Variants in AK5 observed in about 807,000 individuals in gnomAD.
AK5 encodes adenylate kinase isoenzyme 5.
In AK5, 27 loss-of-function variants were observed where a neutral mutation model predicts 69.5. The ratio of observed to expected loss-of-function variants is 0.39; its 90% CI spans 0.29 to 0.54. AK5 has a LOEUF of 0.54. Among genes scored for constraint, AK5 ranks in the 20% least tolerant of loss-of-function variants. The probability of loss-of-function intolerance (pLI) is 0.71; values close to 1 mark genes in which losing one functional copy is unlikely to be tolerated. For missense variants in AK5, 531 were observed against 700.4 expected (o/e 0.76, Z 2.73); for synonymous variants, 260 against 244.4 (o/e 1.06, Z -0.60).
At chr1:77,522,900 A>C (rs1410078484) in intron 12 of AK5, among the ~76,000 whole-genome samples, 1 of 152,052 alleles carries the variant, frequency 6.6e-6, no homozygotes, top group Admixed American at 6.5e-5. Context: ...TTTTTTTAAT[A>C]ACCTTTTTAG....
chr1:77,509,760 G>A (rs1282306716), intron 10 of AK5, among the ~76,000 whole-genome samples: 1 of 152,298 alleles, frequency 6.6e-6, no homozygotes, highest in East Asian at 1.9e-4. Flanking sequence ...ACAGTACCAG[G>A]ATATAAAACT....
At chr1:77,485,781 C>T (rs993093709) in intron 9 of AK5, among the ~76,000 whole-genome samples, 2 of 152,024 alleles carry the variant, frequency 1.3e-5, no homozygotes, top group Admixed American at 6.6e-5. Flanking sequence ...AAAAGTTGAT[C>T]GTGCATGTTA....
At chr1:77,313,102 A>T (rs1167199) in intron 5 of AK5, among the ~76,000 whole-genome samples, 150,031 of 152,228 alleles carry the variant, frequency 0.99, 73,981 homozygotes, top group Middle Eastern at 1. Flanking sequence ...TTCTGTATTT[A>T]TTTTCTGTTT....
intron 3 of AK5, among the ~76,000 whole-genome samples, chr1:77,296,586 G>A (rs1659020456): frequency 6.6e-6 from 1 of 152,052 alleles, no homozygotes; most frequent in Non-Finnish European, 1.5e-5. Context: ...TAGTTTGGTG[G>A]TTGTGATTAA....
chr1:77,552,898 G>A (rs1659888293), intron 13 of AK5, among the ~76,000 whole-genome samples: 1 of 152,080 alleles, frequency 6.6e-6, no homozygotes, highest in Non-Finnish European at 1.5e-5. Context: ...AAATTAGCTG[G>A]GCATGGGGGC....
intron 6 of AK5, among the ~76,000 whole-genome samples, chr1:77,362,093 T>C (rs1175044231): frequency 1.3e-5 from 2 of 152,316 alleles, no homozygotes; most frequent in Non-Finnish European, 2.9e-5. Flanking sequence ...AATACACATA[T>C]GGTGCTTAGA....
chr1:77,538,180 A>T (rs1659070428), intron 13 of AK5, among the ~76,000 whole-genome samples: 1 of 152,006 alleles, frequency 6.6e-6, no homozygotes, highest in Admixed American at 6.6e-5. Flanking sequence ...CTCTCCAAAA[A>T]ATGCAAAAAT....
intron 8 of AK5, among the ~76,000 whole-genome samples, chr1:77,434,404 A>T (rs1259390727): frequency 1.3e-5 from 2 of 152,188 alleles, no homozygotes; most frequent in Admixed American, 6.5e-5. Context: ...GTTGAGAGAT[A>T]CAGTCTTTGA....
At chr1:77,467,306 A>C (rs760739183) in intron 8 of AK5, among the ~76,000 whole-genome samples, 3 of 152,128 alleles carry the variant, frequency 2.0e-5, no homozygotes, top group Non-Finnish European at 2.9e-5. Flanking sequence ...TTTCTCCTTC[A>C]TGGGTTTCTG....
chr1:77,532,169 C>T (rs1658677808), intron 12 of AK5: 1 of 155,710 alleles, frequency 6.4e-6, no homozygotes, highest in Admixed American at 6.5e-5. Flanking sequence ...GAAAGGGGCT[C>T]CCACAGTGCA....
At chr1:77,358,268 T>C (rs1314891139) in intron 6 of AK5, among the ~76,000 whole-genome samples, 1 of 152,120 alleles carries the variant, frequency 6.6e-6, no homozygotes, top group Non-Finnish European at 1.5e-5. Flanking sequence ...TTAAAATTAT[T>C]CACAAGCATG....
chr1:77,388,468 G>C (rs1209301075), intron 6 of AK5, among the ~76,000 whole-genome samples: 1 of 152,166 alleles, frequency 6.6e-6, no homozygotes, highest in African/African-American at 2.4e-5. Context: ...TCCTCTGTCA[G>C]TAAGTTATTT....
At chr1:77,340,291 C>T in intron 5 of AK5, 86 bp from the exon 6 acceptor site, 1 of 1,342,240 alleles carries the variant, frequency 7.5e-7, no homozygotes, top group Non-Finnish European at 1.0e-6. Flanking sequence ...GCAGCCTCCA[C>T]AGAACAAAAG....
At chr1:77,347,570 A>G (rs1661976154) in intron 6 of AK5, among the ~76,000 whole-genome samples, 1 of 152,210 alleles carries the variant, frequency 6.6e-6, no homozygotes, top group Non-Finnish European at 1.5e-5. Flanking sequence ...GAATCTGATT[A>G]CTTTCATATA....
At chr1:77,558,204 C>CA (rs1487409892) in intron 13 of AK5, among the ~76,000 whole-genome samples, 2 of 152,144 alleles carry the variant, frequency 1.3e-5, no homozygotes, top group Admixed American at 6.5e-5. Context: ...GGTTTCAGCT[C>CA]ATTTGGGTAA....
intron 5 of AK5, among the ~76,000 whole-genome samples, chr1:77,306,608 C>T (rs1260779108): frequency 1.3e-5 from 2 of 150,278 alleles, no homozygotes; most frequent in African/African-American, 2.5e-5. Flanking sequence ...GTAATACTGG[C>T]TTCATAAAAT....
intron 5 of AK5, among the ~76,000 whole-genome samples, chr1:77,301,024 G>T (rs147325350): frequency 1.3e-5 from 2 of 152,302 alleles, no homozygotes; most frequent in African/African-American, 4.8e-5. Flanking sequence ...GATCTGGGGT[G>T]TGAGAAGAGG....
At chr1:77,541,805 C>T (rs1321368409) in intron 13 of AK5, among the ~76,000 whole-genome samples, 1 of 152,202 alleles carries the variant, frequency 6.6e-6, no homozygotes, top group African/African-American at 2.4e-5. Context: ...TTCGCATTTG[C>T]ACATTACCAC....
intron 1 of AK5, among the ~76,000 whole-genome samples, chr1:77,284,214 C>T (rs989974665): frequency 1.3e-5 from 2 of 152,172 alleles, no homozygotes; most frequent in African/African-American, 4.8e-5. Context: ...TTCAGTAAGA[C>T]GAATCTGTGC....
Sources: gnomAD v4.1 joint callset for allele counts (sites outside exome capture counted in the v4.1 genomes callset) on GRCh38, gnomAD v4.1.1 for gene constraint, MANE v1.5 for transcripts, NCBI Gene and HGNC (gene_info 2026-07-23, HGNC 2026-07-21) for gene names.